The following TTC17 variants were observed in gnomAD, a reference collection of about 807,000 sequenced individuals.
TTC17 encodes the protein tetratricopeptide repeat domain 17, also known as tetratricopeptide repeat protein 17.
TTC17 carries 58 observed loss-of-function variants against 143.8 expected under a neutral mutation model. The observed-to-expected ratio is 0.40, with a 90% CI of 0.33 to 0.50. The LOEUF (loss-of-function observed/expected upper bound fraction) is 0.50, where lower values mean the gene tolerates loss of function less well. Ranked by LOEUF, TTC17 falls within the 20% of genes least tolerant of loss-of-function variation. The pLI, the probability that TTC17 is intolerant of heterozygous loss-of-function variation, is 0.49. For missense variants in TTC17, 1,273 were observed against 1,392.5 expected (o/e 0.91, Z 1.37); for synonymous variants, 501 against 497.8 (o/e 1.01, Z -0.09).
chr11:43,377,380 G>A (rs757892717), intron 1 of TTC17, among the ~76,000 whole-genome samples: 2 of 152,170 alleles, frequency 1.3e-5, no homozygotes, highest in Non-Finnish European at 2.9e-5. Context: ...GCATATAACT[G>A]TATTTACAAA....
chr11:43,360,793 A>G (rs138288721), intron 1 of TTC17, among the ~76,000 whole-genome samples: 2,438 of 152,086 alleles, frequency 0.016, 28 homozygotes, highest in Middle Eastern at 0.068. Flanking sequence ...GTTACTGGAA[A>G]CTTGCCTCAG....
chr11:43,491,619 A>G lies in TTC17; in HGVS notation c.3151-401A>G, dbSNP rs1003278163. 7 of 158,368 alleles carry G rather than the reference A, an allele frequency of 4.4e-5. No individual in the cohort carries two copies. The East Asian group carries it at 7.4e-4, about 17-fold the overall frequency. The allele number at this position is 158,368 out of a possible 1,614,324, so 9.8% of individuals were successfully genotyped here. A position where few individuals can be genotyped will look rare whatever the true frequency, so the allele number is the denominator to read the frequency against. ...CCAAAGTTTGCCAACCCGTAATGAT[A>G]TAATGGTTCTTGCAGAAATTATTTT... is the stretch of plus-strand genomic sequence containing the variant. On this transcript the variant is annotated intron_variant, in intron 22 of 23. Transcript: ENST00000039989.
At chr11:43,492,185 T>TA (rs1262469535) in intron 23 of TTC17, 22 bp downstream of exon 23, 2 of 1,612,302 alleles carry the variant, frequency 1.2e-6, no homozygotes, top group African/African-American at 2.7e-5. Flanking sequence ...GTGTGAGCAG[T>TA]ATGTACCAAC....
chr11:43,460,494 C>G (rs7123509), intron 21 of TTC17, among the ~76,000 whole-genome samples: 3,400 of 152,264 alleles, frequency 0.022, 54 homozygotes, highest in Non-Finnish European at 0.036. Context: ...GTCTATAACC[C>G]AGTCCCCAAA....
At chr11:43,444,230 T>C (rs1304352168) in intron 18 of TTC17, 21 bp downstream of exon 18, 2 of 1,585,270 alleles carry the variant, frequency 1.3e-6, no homozygotes, top group South Asian at 1.2e-5. Flanking sequence ...ATGTTTAATA[T>C]GCCAGTTTCT....
chr11:43,477,391 T>C (rs535139353), intron 21 of TTC17, among the ~76,000 whole-genome samples: 2 of 152,222 alleles, frequency 1.3e-5, no homozygotes, highest in Non-Finnish European at 2.9e-5. Flanking sequence ...CTAGTACCAA[T>C]TTACTGTATT....
Position 43,407,176 on chromosome 11 carries a change from A to T in TTC17, c.1800A>T (p.Glu600Asp), listed in dbSNP as rs776705392. Residue 600 changes from glutamate to aspartate, a missense_variant, in exon 14 of 24, where the codon GAA (glutamate) becomes GAT (aspartate). Physicochemically the swap from Glu to Asp is conservative, Grantham distance 45 (BLOSUM62 2). Coordinates refer to ENST00000039989, the MANE Select transcript of TTC17 (RefSeq NM_018259.6). ...GTATTAATAACTATACTATCCCAGA[A>T]GAAGAAATTGGGTCTTTCTTATTTC... ...LSRINNYTIP[E>D]EEIGSFLFHA... 1.2e-6 allele frequency: 2 copies of T among 1,600,316 alleles called. No homozygotes were observed. Among genetic ancestry groups the T allele is most frequent in the African/African-American group, 2.7e-5 (2 of 73,956 alleles).
At chr11:43,419,343 C>T (rs1471827818) in intron 16 of TTC17, among the ~76,000 whole-genome samples, 2 of 152,190 alleles carry the variant, frequency 1.3e-5, no homozygotes, top group African/African-American at 4.8e-5. Context: ...TTCCAATGTG[C>T]AGATGGATTA....
chr11:43,402,232 T>TCC (rs1857897239), intron 10 of TTC17, among the ~76,000 whole-genome samples: 1 of 152,116 alleles, frequency 6.6e-6, no homozygotes, highest in South Asian at 2.1e-4. Context: ...CTCAAAGCTT[T>TCC]CATCTCCCCA....
intron 1 of TTC17, chr11:43,378,750 A>G (rs1856854833): frequency 6.4e-6 from 1 of 156,596 alleles, no homozygotes; most frequent in African/African-American, 2.4e-5. Context: ...AACATGAGCA[A>G]TAAGTAATAA....
At chr11:43,404,986 A>G (rs965208289) in intron 11 of TTC17, among the ~76,000 whole-genome samples, 1 of 152,148 alleles carries the variant, frequency 6.6e-6, no homozygotes, top group Non-Finnish European at 1.5e-5. Context: ...CAAATTAAAT[A>G]CAAAGAAAAT....
chr11:43,413,215 G>A (rs905865251), intron 15 of TTC17, among the ~76,000 whole-genome samples: 5 of 152,160 alleles, frequency 3.3e-5, no homozygotes, highest in Admixed American at 1.3e-4. Flanking sequence ...AGGGGTACCT[G>A]TAGTTCAGTG....
chr11:43,434,168 GACACACACACACACACACACACACACAC>G lies in TTC17; in HGVS notation c.2252-9120_2252-9093del, dbSNP rs55913890. 5.5e-3 allele frequency among the ~76,000 whole-genome samples: 691 copies of G among 125,562 alleles called. 4 individuals are homozygous for G. The highest frequency in any genetic ancestry group is 0.014 in the African/African-American group (444 of 32,614). 82.4% of individuals were successfully genotyped at this position (125,562 alleles called of 152,430 possible). A position where few individuals can be genotyped will look rare whatever the true frequency, so the allele number is the denominator to read the frequency against. On this transcript the variant is annotated intron_variant, in intron 16 of 23. Coordinates refer to ENST00000039989, the MANE Select transcript of TTC17 (RefSeq NM_018259.6). ...TTCCCATTAGCCCTCCATGGGCGGG[GACACACACACACACACACACACACACAC>G]ACACACACACACACACACACACACA...
intron 21 of TTC17, among the ~76,000 whole-genome samples, chr11:43,455,306 A>C (rs1380051284): frequency 2.0e-5 from 3 of 151,902 alleles, no homozygotes; most frequent in Non-Finnish European, 4.4e-5. Flanking sequence ...ATAAGAAGAA[A>C]AGATATAAAC....
At chr11:43,397,322 A>G (rs753558584) in intron 6 of TTC17, 25 bp from the exon 7 acceptor site, 3 of 1,592,418 alleles carry the variant, frequency 1.9e-6, no homozygotes, top group Middle Eastern at 1.7e-4. Context: ...CTACATAATC[A>G]TGGAATATGT....
At chr11:43,359,507 G>T (rs1367242227) in intron 1 of TTC17, among the ~76,000 whole-genome samples, 1 of 152,212 alleles carries the variant, frequency 6.6e-6, no homozygotes, top group Non-Finnish European at 1.5e-5. Flanking sequence ...TAGAAAGCAG[G>T]TGGCAGCTCC....
intron 16 of TTC17, among the ~76,000 whole-genome samples, chr11:43,440,625 C>G (rs924959441): frequency 1.3e-5 from 2 of 152,086 alleles, no homozygotes; most frequent in Non-Finnish European, 2.9e-5. Flanking sequence ...TCTAATTGGT[C>G]TCTTTGTCTT....
intron 15 of TTC17, among the ~76,000 whole-genome samples, chr11:43,408,098 A>T (rs2134597513): frequency 6.6e-6 from 1 of 152,300 alleles, no homozygotes; most frequent in Middle Eastern, 3.4e-3. Context: ...GGTTTTGAAG[A>T]TACAACTTTG....
intron 16 of TTC17, among the ~76,000 whole-genome samples, chr11:43,436,612 A>G (rs1249332404): frequency 1.3e-5 from 2 of 152,200 alleles, no homozygotes; most frequent in Admixed American, 1.3e-4. Flanking sequence ...TAAAAGGAAG[A>G]TAAGTTGCTT....
Sources: gnomAD v4.1 joint callset for allele counts (sites outside exome capture counted in the v4.1 genomes callset) on GRCh38, gnomAD v4.1.1 for gene constraint, MANE v1.5 for transcripts, NCBI Gene and HGNC (gene_info 2026-07-23, HGNC 2026-07-21) for gene names.